The following PCDH15 variants were observed in gnomAD, a reference collection of about 807,000 sequenced individuals.
PCDH15 encodes protocadherin related 15.
In PCDH15, 129 loss-of-function variants were observed where a neutral mutation model predicts 178.5. That is an observed-to-expected ratio of 0.72 (90% CI 0.63 to 0.84). The LOEUF is 0.84. PCDH15 is among the 40% of genes least tolerant of loss of function. The pLI, the probability that PCDH15 is intolerant of heterozygous loss-of-function variation, is 0.00. For synonymous variants in PCDH15, 800 were observed against 732.0 expected, an observed-to-expected ratio of 1.09 and a Z score of -1.50; for missense variants, 2,230 against 2,099.9, an observed-to-expected ratio of 1.06 and a Z score of -1.21.
intron 3 of PCDH15, among the ~76,000 whole-genome samples, chr10:54,833,658 C>G (rs1354387942): frequency 6.6e-6 from 1 of 152,188 alleles, no homozygotes; most frequent in Non-Finnish European, 1.5e-5. Flanking sequence ...AAATCAGTCT[C>G]TCTCATTCTT....
At chr10:55,569,140 C>T (rs866133618) in intron 2 of PCDH15, among the ~76,000 whole-genome samples, 1 of 152,006 alleles carries the variant, frequency 6.6e-6, no homozygotes, top group Non-Finnish European at 1.5e-5. Context: ...AACTTGGTCC[C>T]TCCTAAGCTA....
intron 2 of PCDH15, among the ~76,000 whole-genome samples, chr10:55,409,824 G>T (rs1160519716): frequency 6.6e-6 from 1 of 152,062 alleles, no homozygotes; most frequent in Non-Finnish European, 1.5e-5. Context: ...AGCAAAGAAT[G>T]AACATGGGGA....
At chr10:54,297,063 G>C (rs1375396055) in intron 8 of PCDH15, among the ~76,000 whole-genome samples, 3 of 152,050 alleles carry the variant, frequency 2.0e-5, no homozygotes, top group African/African-American at 7.2e-5. Context: ...GCAGGGTCCA[G>C]GGACTGTTGT....
chr10:53,963,543 A>AT (rs1480511197), intron 21 of PCDH15, among the ~76,000 whole-genome samples: 3 of 152,158 alleles, frequency 2.0e-5, no homozygotes, highest in Admixed American at 2.0e-4. Flanking sequence ...TAAATATCAA[A>AT]TTTTAATATC....
At chr10:55,538,582 CTTCCTTCCTTCCTTCCT>C (rs1841658193) in intron 2 of PCDH15, among the ~76,000 whole-genome samples, 2 of 57,482 alleles carry the variant, frequency 3.5e-5, no homozygotes, top group African/African-American at 1.3e-4. Flanking sequence ...TCCTCCTTTC[CTTCCTTCCTTCCTTCCT>C]TCCTTTCCTT....
At chr10:54,877,975 T>TGAAACGGAG (rs1954181607) in intron 3 of PCDH15, among the ~76,000 whole-genome samples, 4 of 76,672 alleles carry the variant, frequency 5.2e-5, no homozygotes, top group Non-Finnish European at 8.0e-5. Context: ...TTTTTTTTTT[T>TGAAACGGAG]TTGTTGAAGT....
chr10:55,225,809 C>G (rs969201464), intron 1 of PCDH15, among the ~76,000 whole-genome samples: 3 of 152,174 alleles, frequency 2.0e-5, no homozygotes, highest in African/African-American at 7.2e-5. Context: ...AACAAGCCTT[C>G]CCCTGTACAC....
intron 2 of PCDH15, among the ~76,000 whole-genome samples, chr10:54,554,784 C>G (rs984429963): frequency 2.0e-5 from 3 of 152,080 alleles, no homozygotes; most frequent in African/African-American, 7.2e-5. Flanking sequence ...AAAAGTACAT[C>G]GGAAAATGAC....
intron 20 of PCDH15, among the ~76,000 whole-genome samples, chr10:53,997,997 C>T (rs1427345318): frequency 6.6e-6 from 1 of 152,112 alleles, no homozygotes; most frequent in African/African-American, 2.4e-5. Context: ...GCAATTCCAA[C>T]AAGCATAATC....
At chr10:53,928,753 A>G (rs1307738738) in intron 25 of PCDH15, among the ~76,000 whole-genome samples, 1 of 152,056 alleles carries the variant, frequency 6.6e-6, no homozygotes. Flanking sequence ...GGGCCTCATT[A>G]TTAATCAGTA....
intron 2 of PCDH15, among the ~76,000 whole-genome samples, chr10:55,048,856 G>A (rs771646626): frequency 6.6e-6 from 1 of 151,860 alleles, no homozygotes; most frequent in South Asian, 2.1e-4. Flanking sequence ...TATGTGTAAG[G>A]TAAAAAGCAA....
At chr10:54,622,759 T>TTA (rs1013736785) in intron 2 of PCDH15, among the ~76,000 whole-genome samples, 4 of 31,966 alleles carry the variant, frequency 1.3e-4, no homozygotes, top group Admixed American at 8.1e-4. Context: ...TATAATTATA[T>TTA]TATATATATA....
intron 20 of PCDH15, among the ~76,000 whole-genome samples, chr10:54,016,103 CAA>C (rs1222932134): frequency 6.6e-6 from 1 of 151,946 alleles, no homozygotes; most frequent in East Asian, 1.9e-4. Flanking sequence ...AAAAAGTGGG[CAA>C]AAGATATGAA....
chr10:55,303,729 T>A (rs1843348349), intron 1 of PCDH15, among the ~76,000 whole-genome samples: 1 of 152,196 alleles, frequency 6.6e-6, no homozygotes, highest in Non-Finnish European at 1.5e-5. Flanking sequence ...ATTATCCTTT[T>A]GATATCTATA....
chr10:54,003,489 C>T lies in PCDH15; in HGVS notation c.2752-7724G>A, dbSNP rs76068000. ...GTGGCTACTATGAACAAACATATGT[C>T]AATAAATTGGAAAATCAAGAAGAAA... On this transcript the variant is annotated intron_variant, in intron 20 of 37. Coordinates refer to ENST00000644397, the MANE Select transcript of PCDH15 (RefSeq NM_001384140.1). Among the ~76,000 whole-genome samples the T allele has an allele frequency of 7.8e-3, 1,182 of 151,786 alleles. 15 individuals are homozygous for T. Among genetic ancestry groups the T allele is most frequent in the African/African-American group, 0.027 (1,125 of 41,438 alleles).
intron 2 of PCDH15, among the ~76,000 whole-genome samples, chr10:54,976,192 CA>C (rs1839066165): frequency 6.6e-6 from 1 of 152,074 alleles, no homozygotes; most frequent in Non-Finnish European, 1.5e-5. Context: ...GAGAAAATGA[CA>C]AATATTAATT....
At chr10:54,882,526 C>A (rs1217057599) in intron 3 of PCDH15, among the ~76,000 whole-genome samples, 3 of 152,020 alleles carry the variant, frequency 2.0e-5, no homozygotes, top group African/African-American at 7.2e-5. Context: ...AATTTTATCA[C>A]TCCTGGCCCC....
chr10:55,562,659 C>T (rs1002032588), intron 2 of PCDH15, among the ~76,000 whole-genome samples: 1 of 151,900 alleles, frequency 6.6e-6, no homozygotes, highest in Non-Finnish European at 1.5e-5. Flanking sequence ...GGCACCCAAA[C>T]AATAGTCATT....
At chr10:54,211,112 A>C (rs1033905621) in intron 10 of PCDH15, among the ~76,000 whole-genome samples, 1 of 152,120 alleles carries the variant, frequency 6.6e-6, no homozygotes, top group Non-Finnish European at 1.5e-5. Context: ...GGACTTTGTA[A>C]TAGATGGTCC....
Sources: allele counts gnomAD v4.1 joint callset (sites outside exome capture counted in the v4.1 genomes callset), GRCh38; gene constraint gnomAD v4.1.1; transcripts MANE v1.5; gene names NCBI Gene and HGNC (gene_info 2026-07-23, HGNC 2026-07-21).